The following PTPRD variants were observed in gnomAD, a reference collection of about 807,000 sequenced individuals.
PTPRD encodes the protein receptor-type tyrosine-protein phosphatase delta.
In PTPRD, 34 loss-of-function variants were observed where a neutral mutation model predicts 214.5. The observed-to-expected ratio is 0.16, with a 90% CI of 0.12 to 0.21. The LOEUF (loss-of-function observed/expected upper bound fraction) is 0.21, where lower values mean the gene tolerates loss of function less well. Ranked by LOEUF, PTPRD falls within the 10% of genes least tolerant of loss-of-function variation. The probability of loss-of-function intolerance (pLI) is 1.00; values close to 1 mark genes in which losing one functional copy is unlikely to be tolerated. For synonymous variants in PTPRD, 1,128 were observed against 845.7 expected, an observed-to-expected ratio of 1.33 and a Z score of -5.79; for missense variants, 2,545 against 2,398.7, an observed-to-expected ratio of 1.06 and a Z score of -1.27.
intron 10 of PTPRD, among the ~76,000 whole-genome samples, chr9:9,083,825 C>T (rs1380493849): frequency 6.6e-6 from 1 of 152,010 alleles, no homozygotes; most frequent in Non-Finnish European, 1.5e-5. Flanking sequence ...CTGGTTATTA[C>T]AGTAATGCAA....
chr9:8,971,685 A>C (rs1241435850), intron 11 of PTPRD, among the ~76,000 whole-genome samples: 1 of 151,538 alleles, frequency 6.6e-6, no homozygotes, highest in East Asian at 1.9e-4. Flanking sequence ...ATGACAGACA[A>C]TGAAGTCAAA....
At chr9:10,192,690 C>G (rs188231623) in intron 3 of PTPRD, among the ~76,000 whole-genome samples, 2 of 152,242 alleles carry the variant, frequency 1.3e-5, no homozygotes, top group African/African-American at 4.8e-5. Context: ...CAAATCCTAA[C>G]CTTGCTCTCA....
chr9:9,459,172 A>G (rs1202468837), intron 8 of PTPRD, among the ~76,000 whole-genome samples: 2 of 152,048 alleles, frequency 1.3e-5, no homozygotes, highest in Non-Finnish European at 2.9e-5. Context: ...TATGTCCAGT[A>G]TATCACTACA....
At chr9:10,508,184 T>C (rs1282149303) in intron 2 of PTPRD, among the ~76,000 whole-genome samples, 3 of 151,964 alleles carry the variant, frequency 2.0e-5, no homozygotes, top group African/African-American at 4.8e-5. Context: ...AGCCAACAGA[T>C]ACATGAAAAA....
intron 2 of PTPRD, among the ~76,000 whole-genome samples, chr9:10,444,825 T>C (rs1203331655): frequency 6.6e-6 from 1 of 151,960 alleles, no homozygotes; most frequent in African/African-American, 2.4e-5. Context: ...GACTTTGTGT[T>C]TAAAATTAAC....
Position 8,504,320 on chromosome 9 carries a change from C to T in PTPRD, c.1763G>A (p.Arg588His), listed in dbSNP as rs150553394. The change falls in exon 23 of 46, where the codon CGC becomes CAC. Residue 588 changes from arginine (R) to histidine (H), a missense_variant. Arg to His is a conservative substitution (Grantham distance 29, BLOSUM62 0). Transcript: ENST00000381196. ...AGAAGCACCCAGGCCTTGAGGGGAGCGTGCAGCCAGACGGAAATAGTATAA... is the reference window on the plus strand; with the variant it reads ...AGAAGCACCCAGGCCTTGAGGGGAGTGTGCAGCCAGACGGAAATAGTATAA... ...NSLYYFRLAARSPQGLGASTA... is the reference protein window; with the variant it reads ...NSLYYFRLAAHSPQGLGASTA... 1.1e-5 allele frequency: 18 copies of T among 1,613,930 alleles called. No homozygotes were observed. The African/African-American group carries it at 1.3e-4, about 12-fold the overall frequency.
intron 7 of PTPRD, among the ~76,000 whole-genome samples, chr9:9,615,854 T>A (rs1449518076): frequency 3.9e-5 from 6 of 152,182 alleles, no homozygotes; most frequent in Non-Finnish European, 7.3e-5. Flanking sequence ...CAGAGCCAAG[T>A]GATAGAGTTG....
Position 9,612,418 on chromosome 9 carries a change from C to A in PTPRD, c.-286-37637G>T, listed in dbSNP as rs564973984. ...TGTAACTAGCAGCAGATGTGTCTGTCTGCAACTGTGATAGGCTCCATCTGC... is the reference window on the plus strand; with the variant it reads ...TGTAACTAGCAGCAGATGTGTCTGTATGCAACTGTGATAGGCTCCATCTGC... On this transcript the variant is annotated intron_variant, in intron 7 of 45. Transcript: ENST00000381196. 4.6e-5 allele frequency among the ~76,000 whole-genome samples: 7 copies of A among 152,256 alleles called. No homozygotes were observed. In the South Asian group the frequency reaches 1.5e-3, roughly 32 times the overall value.
intron 30 of PTPRD, among the ~76,000 whole-genome samples, chr9:8,481,478 T>C (rs1266106722): frequency 2.6e-5 from 4 of 152,184 alleles, no homozygotes; most frequent in Admixed American, 2.6e-4. Context: ...TTTTGTTTTT[T>C]AATACCTGAT....
intron 10 of PTPRD, among the ~76,000 whole-genome samples, chr9:9,160,824 C>G (rs1269465068): frequency 6.6e-6 from 1 of 152,132 alleles, no homozygotes; most frequent in East Asian, 1.9e-4. Context: ...TGTATACACA[C>G]ACAATGAAAT....
In PTPRD at chr9:8,360,241, G is replaced by A. The variant is rs1472509346; in HGVS notation, c.4661+15695C>T. 2.0e-5 allele frequency among the ~76,000 whole-genome samples: 3 copies of A among 152,114 alleles called. No individual in the cohort carries two copies. In the South Asian group the frequency reaches 6.2e-4, roughly 32 times the overall value. On this transcript the variant is annotated intron_variant, in intron 39 of 45. Coordinates refer to ENST00000381196, the MANE Select transcript of PTPRD (RefSeq NM_002839.4). ...ATTAGGTAAGGGTGACACAACTGCA[G>A]GTAAATGGAAAAATATTTATAAACA... is the stretch of plus-strand genomic sequence containing the variant.
chr9:10,201,289 A>C (rs1462912752), intron 3 of PTPRD, among the ~76,000 whole-genome samples: 2 of 152,066 alleles, frequency 1.3e-5, no homozygotes, highest in Non-Finnish European at 2.9e-5. Context: ...GTCACTTAAA[A>C]GAAATATGTA....
At chr9:9,316,230 C>G (rs752580697) in intron 9 of PTPRD, among the ~76,000 whole-genome samples, 1 of 151,954 alleles carries the variant, frequency 6.6e-6, no homozygotes, top group Non-Finnish European at 1.5e-5. Context: ...ATGTCTCCCT[C>G]TCCTCCTCTC....
intron 8 of PTPRD, among the ~76,000 whole-genome samples, chr9:9,472,311 C>A (rs1041004595): frequency 1.9e-4 from 29 of 149,998 alleles, no homozygotes; most frequent in African/African-American, 6.6e-4. Flanking sequence ...TCACGCCATT[C>A]TCCTGCCTCA....
chr9:10,169,325 T>C (rs1025166828), intron 3 of PTPRD, among the ~76,000 whole-genome samples: 7 of 150,542 alleles, frequency 4.6e-5, no homozygotes, highest in Non-Finnish European at 8.9e-5. Context: ...ATACAAAAAA[T>C]TAGCCGGGCG....
chr9:8,435,337 C>A (rs1378680512), intron 35 of PTPRD, among the ~76,000 whole-genome samples: 1 of 152,070 alleles, frequency 6.6e-6, no homozygotes, highest in African/African-American at 2.4e-5. Context: ...GAGGTTACTA[C>A]AGAATGTGAC....
intron 45 of PTPRD, 118 bp downstream of exon 45, chr9:8,319,713 G>GTTTGAT: frequency 7.8e-7 from 1 of 1,281,482 alleles, no homozygotes; most frequent in South Asian, 1.4e-5. Context: ...TTATTAAACA[G>GTTTGAT]TTTGATGCTT....
chr9:9,862,491 G>T (rs2062990076), intron 5 of PTPRD, among the ~76,000 whole-genome samples: 1 of 152,114 alleles, frequency 6.6e-6, no homozygotes, highest in South Asian at 2.1e-4. Flanking sequence ...TTAGGGAGAG[G>T]TTTCTCAAAG....
intron 14 of PTPRD, among the ~76,000 whole-genome samples, chr9:8,609,033 C>T (rs1343838894): frequency 1.3e-5 from 2 of 152,196 alleles, no homozygotes; most frequent in African/African-American, 4.8e-5. Flanking sequence ...CCAGAGTCAT[C>T]TGTGGGCAAA....
Sources: allele counts gnomAD v4.1 joint callset (sites outside exome capture counted in the v4.1 genomes callset), GRCh38; gene constraint gnomAD v4.1.1; transcripts MANE v1.5; gene names NCBI Gene and HGNC (gene_info 2026-07-23, HGNC 2026-07-21).